The following CAPRIN1 variants were observed in gnomAD, a reference collection of about 807,000 sequenced individuals.
The protein encoded by CAPRIN1 is caprin-1.
In CAPRIN1, 29 loss-of-function variants were observed where a neutral mutation model predicts 100.9. That is an observed-to-expected ratio of 0.29 (90% CI 0.21 to 0.39). The LOEUF (loss-of-function observed/expected upper bound fraction) is 0.39. Among genes scored for constraint, CAPRIN1 ranks in the 10% least tolerant of loss-of-function variants. The pLI is 1.00. For missense variants in CAPRIN1, 795 were observed against 876.7 expected, an observed-to-expected ratio of 0.91 and a Z score of 1.18; for synonymous variants, 338 against 307.5, an observed-to-expected ratio of 1.10 and a Z score of -1.04.
Position 34,099,447 on chromosome 11 carries a change from C to G in CAPRIN1, c.*80C>G. On this transcript the variant is annotated 3_prime_UTR_variant, in exon 19 of 19. Transcript: ENST00000341394. ...AATATGTTACCAGAAGAGTTATTAT[C>G]TATTTGTTCTCCCTTTCAGGAAACT... The G allele has an allele frequency of 8.5e-7, 1 of 1,176,412 alleles. No individual in the cohort carries two copies. Among genetic ancestry groups the G allele is most frequent in the Admixed American group, 1.7e-5 (1 of 57,484 alleles). 72.9% of individuals were successfully genotyped at this position (1,176,412 alleles called of 1,614,324 possible). A position where few individuals can be genotyped will look rare whatever the true frequency, so the allele number is the denominator to read the frequency against.
Position 34,100,129 on chromosome 11 carries a change from C to G in CAPRIN1, c.*762C>G, listed in dbSNP as rs1185680492. 1 of 152,464 alleles carries G rather than the reference C, an allele frequency of 6.6e-6. No homozygotes were observed. Among genetic ancestry groups the G allele is most frequent in the African/African-American group, 2.4e-5 (1 of 41,418 alleles). 9.4% of individuals were successfully genotyped at this position (152,464 alleles called of 1,614,324 possible). On this transcript the variant is annotated 3_prime_UTR_variant, in exon 19 of 19. Transcript: ENST00000341394. ...TACTTAATGTGAAATATTTAGATACCTTTTTGAACACTTAACAGTTTCTTT... is the reference window on the plus strand; with the variant it reads ...TACTTAATGTGAAATATTTAGATACGTTTTTGAACACTTAACAGTTTCTTT...
intron 2 of CAPRIN1, 30 bp downstream of exon 2, chr11:34,052,666 T>G: frequency 6.4e-7 from 1 of 1,574,396 alleles, no homozygotes; most frequent in Non-Finnish European, 8.6e-7. Flanking sequence ...AAGGGAGGGG[T>G]GGCTGCGGCC....
intron 2 of CAPRIN1, among the ~76,000 whole-genome samples, chr11:34,054,039 A>G (rs770659752): frequency 5.9e-5 from 9 of 152,220 alleles, no homozygotes; most frequent in Non-Finnish European, 1.2e-4. Context: ...TGATATAGTA[A>G]CTGGCTAAAA....
chr11:34,076,206 T>G, intron 4 of CAPRIN1, 30 bp from the exon 5 acceptor site: 2 of 1,520,276 alleles, frequency 1.3e-6, no homozygotes, highest in South Asian at 2.3e-5. Context: ...ATAACTAATT[T>G]TGGTGTTTTA....
At chr11:34,065,214 A>G (rs927956881) in intron 2 of CAPRIN1, among the ~76,000 whole-genome samples, 2 of 152,016 alleles carry the variant, frequency 1.3e-5, no homozygotes, top group Admixed American at 6.6e-5. Context: ...TGCCCGCCTC[A>G]GCCTCCCAAA....
At chr11:34,074,507 C>CT (rs1215476629) in intron 4 of CAPRIN1, among the ~76,000 whole-genome samples, 2 of 152,176 alleles carry the variant, frequency 1.3e-5, no homozygotes, top group African/African-American at 4.8e-5. Context: ...GAATAGCTTT[C>CT]TTTCTTATCT....
intron 2 of CAPRIN1, among the ~76,000 whole-genome samples, chr11:34,066,490 T>C (rs112246499): frequency 0.1 from 15,493 of 151,762 alleles, 860 homozygotes; most frequent in African/African-American, 0.15. Flanking sequence ...GCCGCCTCCA[T>C]ACCCGGCTCA....
At position 34,079,773 on chromosome 11, in the gene CAPRIN1, T is replaced by A. The variant is rs769005084; in HGVS notation, c.826+8T>A. On this transcript the variant is annotated splice_region_variant and intron_variant, in intron 7 of 18. Transcript: ENST00000341394. ...ACCAGGTACCTGAAGCTGGTGAGTA[T>A]TAGGTGGATATCAACTTTAGTTTAG... is the stretch of plus-strand genomic sequence containing the variant. 11 of 1,608,648 alleles carry A rather than the reference T, an allele frequency of 6.8e-6. 1 individual carries two copies. In the South Asian group the frequency reaches 1.2e-4, roughly 18 times the overall value.
intron 2 of CAPRIN1, among the ~76,000 whole-genome samples, chr11:34,060,838 A>G (rs957879638): frequency 2.0e-5 from 3 of 152,256 alleles, no homozygotes; most frequent in Non-Finnish European, 4.4e-5. Context: ...ATTAATATAA[A>G]TAAGTTGTAC....
At chr11:34,054,262 T>C (rs190792766) in intron 2 of CAPRIN1, among the ~76,000 whole-genome samples, 3 of 152,304 alleles carry the variant, frequency 2.0e-5, no homozygotes, top group Non-Finnish European at 4.4e-5. Context: ...AAATGTATGT[T>C]TTATTATAGG....
chr11:34,086,365 A>G lies in CAPRIN1; in HGVS notation c.1183A>G (p.Met395Val), dbSNP rs745854379. 13 of 1,613,940 alleles carry G rather than the reference A, an allele frequency of 8.1e-6. No homozygotes were observed. The Admixed American group carries it at 1.2e-4, about 14-fold the overall frequency. ...TCCTGCCATTGTATCTGCACAGCCT[A>G]TGAATCCAACACAAAACATGGACAT... is the stretch of plus-strand genomic sequence containing the variant. ...LDPAIVSAQP[M>V]NPTQNMDMPQ... Residue 395 changes from methionine to valine, a missense_variant, in exon 11 of 19, where the codon ATG (methionine) becomes GTG (valine). Met to Val is a conservative substitution (Grantham distance 21). This residue lies in a region of CAPRIN1 where 648 missense variants were observed against 697.9 expected (regional missense o/e 0.93). Transcript: ENST00000341394.
Position 34,071,993 on chromosome 11 carries a change from TA to T in CAPRIN1, c.366+10del, listed in dbSNP as rs755507229. ...TCATGGCACTAAGTCAAGATGTAAG[TA>T]AAAGAAAGTATACATATTTATGAAA... On this transcript the variant is annotated splice_region_variant and intron_variant, in intron 4 of 18. Transcript: ENST00000341394. The T allele has an allele frequency of 1.3e-6, 2 of 1,559,800 alleles. No homozygotes were observed. The highest frequency in any genetic ancestry group is 4.5e-5 in the East Asian group (2 of 44,562).
In CAPRIN1 at chr11:34,089,998, A is replaced by G. The variant is rs1851231297; in HGVS notation, c.1294-181A>G. Reference sequence around the variant, plus strand: ...TTAACGTCGAGCTTCAAAAATATATATATTTTTGCAATTTTTAGGTTTTAT... The same window carrying G: ...TTAACGTCGAGCTTCAAAAATATATGTATTTTTGCAATTTTTAGGTTTTAT... On this transcript the variant is annotated intron_variant, in intron 12 of 18. Transcript: ENST00000341394. 1.3e-5 allele frequency: 5 copies of G among 383,208 alleles called. No homozygotes were observed. The South Asian group carries it at 2.5e-4, about 19-fold the overall frequency. 23.7% of individuals were successfully genotyped at this position (383,208 alleles called of 1,614,324 possible).
intron 4 of CAPRIN1, among the ~76,000 whole-genome samples, chr11:34,074,343 A>G (rs539861652): frequency 1.3e-5 from 2 of 152,258 alleles, no homozygotes; most frequent in South Asian, 4.1e-4. Flanking sequence ...TCTGAGCTTT[A>G]ACTTCATTAG....
At chr11:34,058,993 T>G (rs899114126) in intron 2 of CAPRIN1, among the ~76,000 whole-genome samples, 5 of 151,858 alleles carry the variant, frequency 3.3e-5, no homozygotes. Context: ...TATAGAAGAG[T>G]GAGAGGAGTA....
chr11:34,087,156 A>C (rs1851162411), intron 11 of CAPRIN1, among the ~76,000 whole-genome samples: 1 of 152,180 alleles, frequency 6.6e-6, no homozygotes, highest in African/African-American at 2.4e-5. Flanking sequence ...TTTTTCCCAG[A>C]ACACATCAGT....
At position 34,090,560 on chromosome 11, in the gene CAPRIN1, C is replaced by T. The variant is rs768585078; in HGVS notation, c.1436C>T (p.Thr479Ile). The T allele has an allele frequency of 1.3e-5, 21 of 1,614,044 alleles. No individual in the cohort carries two copies. The highest frequency in any genetic ancestry group is 5.0e-5 in the Admixed American group (3 of 59,996). ...ATISLNTDQT[T>I]ASSSLPAASQ... ...ATCTCTTTAAATACAGACCAGACTA[C>T]AGCATCATCATCCCTTCCTGCTGCG... Residue 479 changes from threonine (T) to isoleucine (I), a missense_variant, in exon 14 of 19, where the codon ACA becomes ATA. Coordinates refer to ENST00000341394, the MANE Select transcript of CAPRIN1 (RefSeq NM_005898.5).
chr11:34,073,584 A>C (rs1318964978), intron 4 of CAPRIN1, among the ~76,000 whole-genome samples: 3 of 151,974 alleles, frequency 2.0e-5, no homozygotes, highest in Non-Finnish European at 4.4e-5. Flanking sequence ...CCACCATGCC[A>C]GTCTAATTTT....
rs59649247 is a variant in CAPRIN1, at chr11:34,072,316, T to TAA, written c.366+343_366+344dup. Among the ~76,000 whole-genome samples the TAA allele has an allele frequency of 3.0e-3, 344 of 115,028 alleles. 1 individual carries two copies. Among genetic ancestry groups the TAA allele is most frequent in the African/African-American group, 6.4e-3 (195 of 30,480 alleles). 75.5% of individuals were successfully genotyped at this position (115,028 alleles called of 152,430 possible). ...GGGCAACGTGATAAAACCCCATCTC[T>TAA]AAAAAAAAAAAAAAACATTAAATTT... On this transcript the variant is annotated intron_variant, in intron 4 of 18. Coordinates refer to ENST00000341394, the MANE Select transcript of CAPRIN1 (RefSeq NM_005898.5).
Sources: gnomAD v4.1 joint callset for allele counts (sites outside exome capture counted in the v4.1 genomes callset) on GRCh38, gnomAD v4.1.1 for gene constraint, gnomAD v4.1.1 regional missense constraint, MANE v1.5 for transcripts, NCBI Gene and HGNC (gene_info 2026-07-23, HGNC 2026-07-21) for gene names.